ELP1: variants seen among roughly 807,000 people sequenced by gnomAD.
ELP1 encodes the protein elongator complex protein 1.
A neutral mutation model predicts 183.2 loss-of-function variants in ELP1; 131 were observed. That is an observed-to-expected ratio of 0.72 (90% confidence interval 0.62 to 0.83). The LOEUF (loss-of-function observed/expected upper bound fraction) is 0.83. Ranked by LOEUF, ELP1 falls within the 40% of genes least tolerant of loss-of-function variation. ELP1 has a pLI of 0.00. For missense variants in ELP1, 1,550 were observed against 1,594.9 expected, an observed-to-expected ratio of 0.97 and a Z score of 0.48; for synonymous variants, 555 against 569.0, an observed-to-expected ratio of 0.98 and a Z score of 0.35.
chr9:108,921,393 C>T (rs1028270106), intron 6 of ELP1, among the ~76,000 whole-genome samples: 1 of 152,128 alleles, frequency 6.6e-6, no homozygotes, highest in African/African-American at 2.4e-5. Flanking sequence ...TTTCACTTAG[C>T]ATAATCTTTA....
chr9:108,931,193 C>A lies in ELP1; in HGVS notation c.-47G>T. On this transcript the variant is annotated 5_prime_UTR_variant, in exon 2 of 37. The change abolishes an upstream ATG in the 5' untranslated region. Transcript: ENST00000374647. ...CAAGTACAACTATCCCTTGATGAAT[C>A]ATTAATCTCTAAGAGAAAAATAAAT... The A allele has an allele frequency of 6.4e-7, 1 of 1,559,926 alleles. No homozygotes were observed. Among genetic ancestry groups the A allele is most frequent in the South Asian group, 1.1e-5 (1 of 89,882 alleles).
chr9:108,902,703 T>G, intron 16 of ELP1, 136 bp downstream of exon 16: 6 of 714,172 alleles, frequency 8.4e-6, no homozygotes, highest in Non-Finnish European at 1.6e-5. Context: ...CTTATGAAAG[T>G]GAGATCATTT....
At chr9:108,904,967 C>G (rs1202928344) in intron 14 of ELP1, among the ~76,000 whole-genome samples, 1 of 152,184 alleles carries the variant, frequency 6.6e-6, no homozygotes, top group Non-Finnish European at 1.5e-5. Flanking sequence ...ATGACTGCAT[C>G]AAGCTTTTGC....
At chr9:108,896,671 A>T in intron 24 of ELP1, 27 bp from the exon 25 acceptor site, 2 of 1,611,806 alleles carry the variant, frequency 1.2e-6, no homozygotes, top group Non-Finnish European at 1.7e-6. Flanking sequence ...AACAAAACAG[A>T]ACACAATCAT....
At chr9:108,929,073 T>G (rs183008014) in intron 3 of ELP1, among the ~76,000 whole-genome samples, 1 of 152,380 alleles carries the variant, frequency 6.6e-6, no homozygotes, top group Admixed American at 6.5e-5. Flanking sequence ...AGGCACATGA[T>G]AGTTAATAAA....
At chr9:108,880,010 C>A in intron 32 of ELP1, 42 bp downstream of exon 32, 3 of 1,252,228 alleles carry the variant, frequency 2.4e-6, no homozygotes, top group Non-Finnish European at 3.5e-6. Flanking sequence ...TTACCCAACC[C>A]CACTGCCCCC....
chr9:108,872,210 G>C (rs1827482502), intron 36 of ELP1, among the ~76,000 whole-genome samples: 1 of 152,200 alleles, frequency 6.6e-6, no homozygotes, highest in African/African-American at 2.4e-5. Flanking sequence ...CTGCTCATGT[G>C]GAGATGGTTA....
intron 14 of ELP1, 139 bp downstream of exon 14, chr9:108,906,164 C>G: frequency 1.3e-6 from 1 of 787,490 alleles, no homozygotes; most frequent in Non-Finnish European, 2.1e-6. Context: ...TAGACTTAAC[C>G]TTCTTGTTAA....
rs1210871913 is a variant in ELP1 at position 108,880,158 on chromosome 9, T to G, written c.3354A>C (p.Lys1118Asn). Residue 1118 changes from lysine (K) to asparagine (N), a missense_variant, in exon 32 of 37, where the codon AAA becomes AAC. Coordinates refer to ENST00000374647, the MANE Select transcript of ELP1 (RefSeq NM_003640.5). ...GAGAGTCCAGAAATGCCATATAATT[T>G]TTCTGGGCTGGAGATGCAGAATGGA... ...NVKPSILEAQKNYMAFLDSQT... is the reference protein window; with the variant it reads ...NVKPSILEAQNNYMAFLDSQT... 1 of 1,610,782 alleles carries G rather than the reference T, an allele frequency of 6.2e-7. No homozygotes were observed. Among genetic ancestry groups the G allele is most frequent in the African/African-American group, 1.3e-5 (1 of 74,968 alleles).
intron 12 of ELP1, among the ~76,000 whole-genome samples, chr9:108,909,651 T>C (rs958324123): frequency 5.8e-4 from 89 of 152,218 alleles, no homozygotes; most frequent in Admixed American, 5.8e-3. Flanking sequence ...TCCATTTCTA[T>C]GAACACTGCT....
In ELP1 at chr9:108,917,636, T is replaced by C; in HGVS notation, c.775A>G (p.Lys259Glu). Residue 259 changes from lysine to glutamate, a missense_variant, in exon 9 of 37, where the codon AAA (lysine) becomes GAA (glutamate). Transcript: ENST00000374647. ...SGSLIASTQD[K>E]PNQQDIVFFE... is the part of the protein sequence containing the mutation. ...AACACAATATCCTGCTGGTTGGGTT[T>C]ATCTTGTGTAGATGCAATCAAACTG... 3 of 1,614,130 alleles carry C rather than the reference T, an allele frequency of 1.9e-6. No individual in the cohort carries two copies. Among genetic ancestry groups the C allele is most frequent in the Non-Finnish European group, 2.5e-6 (3 of 1,179,966 alleles).
chr9:108,931,989 T>C (rs1346173595), intron 1 of ELP1, among the ~76,000 whole-genome samples: 1 of 152,212 alleles, frequency 6.6e-6, no homozygotes, highest in Admixed American at 6.5e-5. Context: ...GTTACTGTGC[T>C]AGTTATTTAT....
intron 18 of ELP1, 21 bp from the exon 19 acceptor site, chr9:108,900,396 T>C: frequency 6.5e-7 from 1 of 1,545,084 alleles, no homozygotes; most frequent in South Asian, 1.1e-5. Context: ...CATTAACTAA[T>C]AAGCCTTAAT....
intron 27 of ELP1, among the ~76,000 whole-genome samples, chr9:108,892,703 T>G (rs1450750497): frequency 6.6e-6 from 1 of 152,080 alleles, no homozygotes; most frequent in Non-Finnish European, 1.5e-5. Context: ...ATGGGAAAGA[T>G]CTGTACTTGT....
intron 26 of ELP1, 136 bp downstream of exon 26, chr9:108,893,807 A>T: frequency 2.2e-6 from 2 of 923,296 alleles, no homozygotes; most frequent in East Asian, 5.2e-5. Context: ...AAATAACGTG[A>T]GCATACATAA....
chr9:108,910,814 C>A (rs1587906893), intron 12 of ELP1, among the ~76,000 whole-genome samples, 196 bp downstream of exon 12: 2 of 136,498 alleles, frequency 1.5e-5, no homozygotes, highest in African/African-American at 2.8e-5. Context: ...ATGGCTCGTA[C>A]AAACCAGTAT....
chr9:108,901,350 G>A (rs2275631), intron 18 of ELP1, 75 bp downstream of exon 18: 1 of 1,063,324 alleles, frequency 9.4e-7, no homozygotes, highest in Non-Finnish European at 1.4e-6. Context: ...AATAAATGAA[G>A]AATTCAAAAA....
At chr9:108,885,822 G>A (rs1409998687) in intron 29 of ELP1, among the ~76,000 whole-genome samples, 1 of 152,102 alleles carries the variant, frequency 6.6e-6, no homozygotes, top group Non-Finnish European at 1.5e-5. Context: ...ACTGTTGAAG[G>A]AGCTTGGAAA....
At chr9:108,892,399 A>G (rs1020801887) in intron 27 of ELP1, among the ~76,000 whole-genome samples, 3 of 152,224 alleles carry the variant, frequency 2.0e-5, no homozygotes, top group Non-Finnish European at 4.4e-5. Flanking sequence ...AAAGATGTGT[A>G]TATTGTCTGA....
Sources: gnomAD v4.1 joint callset for allele counts (sites outside exome capture counted in the v4.1 genomes callset) on GRCh38, gnomAD v4.1.1 for gene constraint, MANE v1.5 for transcripts, NCBI Gene and HGNC (gene_info 2026-07-23, HGNC 2026-07-21) for gene names.